STAG3: variants seen among roughly 807,000 people sequenced by gnomAD.
STAG3 encodes STAG3 cohesin complex component, also known as cohesin subunit SA-3.
A neutral mutation model predicts 160.7 loss-of-function variants in STAG3; 101 were observed. The observed-to-expected ratio is 0.63, with a 90% CI of 0.54 to 0.74. The LOEUF is 0.74. Ranked by LOEUF, STAG3 falls within the 30% of genes least tolerant of loss-of-function variation. The pLI, the probability that STAG3 is intolerant of heterozygous loss-of-function variation, is 0.00. For missense variants in STAG3, 1,188 were observed against 1,517.4 expected (o/e 0.78, Z 3.61); for synonymous variants, 519 against 585.0 (o/e 0.89, Z 1.63).
intron 2 of STAG3, chr7:100,180,884 T>G: frequency 5.6e-6 from 2 of 356,670 alleles, no homozygotes; most frequent in South Asian, 3.8e-5. Flanking sequence ...CATCCTGTTT[T>G]TTTTTTTTTT....
chr7:100,178,694 G>A (rs1799435016), intron 1 of STAG3, among the ~76,000 whole-genome samples: 1 of 151,590 alleles, frequency 6.6e-6, no homozygotes, highest in South Asian at 2.1e-4. Context: ...CCAAAGTACT[G>A]GGATTATAGG....
At chr7:100,181,389 CTTGAA>C (rs1799634835) in intron 2 of STAG3, 1 of 152,098 alleles carries the variant, frequency 6.6e-6, no homozygotes, top group Non-Finnish European at 1.5e-5. Context: ...AAGTTATAAA[CTTGAA>C]TTGATAAGAC....
At position 100,201,989 on chromosome 7, in the gene STAG3, G is replaced by T. The variant is rs375774778; in HGVS notation, c.2342G>T (p.Cys781Phe). Residue 781 changes from cysteine (C) to phenylalanine (F), a missense_variant, in exon 23 of 34, where the codon TGT (cysteine) becomes TTT (phenylalanine). Coordinates refer to ENST00000615138, the MANE Select transcript of STAG3 (RefSeq NM_001282717.2). ...TTGAGGGACAGAATGGTGGCCTTCTGTGAACTCTGCCAGAGTTGCCTCTCA... is the reference window on the plus strand; with the variant it reads ...TTGAGGGACAGAATGGTGGCCTTCTTTGAACTCTGCCAGAGTTGCCTCTCA... The part of the protein sequence containing the change: ...SSLRDRMVAF[C>F]ELCQSCLSDV... 3 of 1,614,024 alleles carry T rather than the reference G, an allele frequency of 1.9e-6. No homozygotes were observed. The African/African-American group carries it at 4.0e-5, about 22-fold the overall frequency.
intron 33 of STAG3, 38 bp from the exon 34 acceptor site, chr7:100,213,969 C>G: frequency 6.2e-7 from 1 of 1,614,148 alleles, no homozygotes; most frequent in Non-Finnish European, 8.5e-7. Flanking sequence ...TGGCCCGTTG[C>G]TGTGTCCTGT....
intron 1 of STAG3, among the ~76,000 whole-genome samples, chr7:100,179,919 G>T (rs1799532680): frequency 6.6e-6 from 1 of 152,166 alleles, no homozygotes; most frequent in Non-Finnish European, 1.5e-5. Flanking sequence ...ATTTTTAGTA[G>T]AAATGGGGTT....
chr7:100,212,112 T>C (rs900667732), intron 32 of STAG3: 5 of 423,620 alleles, frequency 1.2e-5, no homozygotes, highest in Non-Finnish European at 2.1e-5. Flanking sequence ...GCACTCTCGC[T>C]CCCAATCCCT....
Position 100,186,226 on chromosome 7 carries a change from C to T in STAG3, c.363C>T (p.Ser121=). ...CTTTGGTAGATGAGTGGCTGGATAG[C>T]TACAAGCAAGACCAGGATGCAGGAT... The part of the protein sequence containing the change: ...MQSLVDEWLD[S]YKQDQDAGFL... Residue 121 remains serine (S), a synonymous_variant, in exon 5 of 34, where the codon AGC becomes AGT. Coordinates refer to ENST00000615138, the MANE Select transcript of STAG3 (RefSeq NM_001282717.2). 6.2e-7 allele frequency: 1 copy of T among 1,614,076 alleles called. No individual in the cohort carries two copies. The highest frequency in any genetic ancestry group is 2.2e-5 in the East Asian group (1 of 44,874).
rs112330770 is a variant in STAG3 at position 100,195,379 on chromosome 7, A to T, written c.938A>T (p.Tyr313Phe). The change falls in exon 9 of 34, where the codon TAC becomes TTC. Residue 313 changes from tyrosine to phenylalanine, a missense_variant. Transcript: ENST00000615138. ...ALFRGVFVHRYRDVLPEIRAI... is the reference protein window; with the variant it reads ...ALFRGVFVHRFRDVLPEIRAI... ...TTCAGGGGTGTCTTTGTTCATCGGT[A>T]CAGGTGAGCTAATGGGCCTCTCTCA... 12 of 1,613,894 alleles carry T rather than the reference A, an allele frequency of 7.4e-6. No individual in the cohort carries two copies. The highest frequency in any genetic ancestry group is 1.0e-5 in the Non-Finnish European group (12 of 1,179,870).
chr7:100,189,701 A>C, intron 8 of STAG3, 105 bp downstream of exon 8: 4 of 1,337,854 alleles, frequency 3.0e-6, no homozygotes, highest in Non-Finnish European at 4.1e-6. Context: ...GATCATGAAT[A>C]ATGGAGTCTG....
chr7:100,182,330 G>GCCT, intron 3 of STAG3, 138 bp downstream of exon 3: 1 of 615,068 alleles, frequency 1.6e-6, no homozygotes, highest in South Asian at 2.0e-5. Context: ...CTGCACTCTA[G>GCCT]CCTGGGCGAC....
chr7:100,210,924 C>T (rs772997358), intron 29 of STAG3, 87 bp from the exon 30 acceptor site: 5 of 1,407,972 alleles, frequency 3.6e-6, no homozygotes, highest in Non-Finnish European at 4.8e-6. Context: ...ATTGACTTTC[C>T]CTTACTAAAT....
chr7:100,182,148 A>G lies in STAG3; in HGVS notation c.175A>G (p.Asn59Asp), dbSNP rs746500893. The G allele has an allele frequency of 3.1e-6, 5 of 1,613,322 alleles. No homozygotes were observed. The highest frequency in any genetic ancestry group is 1.3e-5 in the African/African-American group (1 of 74,800). Residue 59 changes from asparagine to aspartate, a missense_variant, in exon 3 of 34, where the codon AAT (asparagine) becomes GAT (aspartate). Transcript: ENST00000615138. The stretch of plus-strand genomic sequence containing the variant: ...TGACTTTGAAGACAGCTTGAATCGC[A>G]ATGTGAAGAAGAGAGCAGCAAAACG... ...DTDFEDSLNR[N>D]VKKRAAKRPP...
At chr7:100,205,495 T>C in intron 29 of STAG3, 111 bp downstream of exon 29, 3 of 1,177,718 alleles carry the variant, frequency 2.5e-6, no homozygotes, top group Non-Finnish European at 3.5e-6. Flanking sequence ...AGGGTATTAA[T>C]TTCTTTCAAG....
At chr7:100,193,467 A>T (rs1377180953) in intron 8 of STAG3, among the ~76,000 whole-genome samples, 1 of 152,198 alleles carries the variant, frequency 6.6e-6, no homozygotes, top group African/African-American at 2.4e-5. Context: ...TTTAGTCCAC[A>T]TTGAAAATTC....
rs756390673 is a variant in STAG3, at chr7:100,198,566, G to A, written c.1336G>A (p.Glu446Lys). ...TCGAGGCCTGGCCTCTGCCGCAGGC[G>A]AATTTCTGTACTGGAAGTGAGTGGG... The part of the protein sequence containing the change: ...SHRGLASAAG[E>K]FLYWKLFYPE... Residue 446 changes from glutamate (E) to lysine (K), a missense_variant, in exon 13 of 34, where the codon GAA becomes AAA. Transcript: ENST00000615138. 12 of 1,613,870 alleles carry A rather than the reference G, an allele frequency of 7.4e-6. No individual in the cohort carries two copies. The highest frequency in any genetic ancestry group is 1.7e-5 in the Admixed American group (1 of 60,024).
intron 9 of STAG3, 41 bp downstream of exon 9, chr7:100,195,423 G>T (rs1267085421): frequency 1.9e-6 from 3 of 1,582,164 alleles, no homozygotes. Context: ...GCTGGCCTTT[G>T]GTTATGGAAT....
At chr7:100,178,488 A>G (rs1460594449) in intron 1 of STAG3, among the ~76,000 whole-genome samples, 1 of 150,470 alleles carries the variant, frequency 6.6e-6, no homozygotes, top group African/African-American at 2.4e-5. Context: ...AAAAACCTGT[A>G]AGTTCCCTTG....
intron 4 of STAG3, among the ~76,000 whole-genome samples, chr7:100,183,257 G>A (rs1467080933): frequency 3.3e-5 from 5 of 152,064 alleles, no homozygotes; most frequent in Admixed American, 3.3e-4. Flanking sequence ...CAGGTGATCC[G>A]CCCACCTTGG....
chr7:100,214,904 G>T (rs1378982568), downstream of STAG3: 3 of 152,006 alleles, frequency 2.0e-5, no homozygotes, highest in Non-Finnish European at 4.4e-5. Context: ...ACCAAATTCT[G>T]TCAAGACTTG....
Sources: gnomAD v4.1 joint callset for allele counts (sites outside exome capture counted in the v4.1 genomes callset) on GRCh38, gnomAD v4.1.1 for gene constraint, MANE v1.5 for transcripts, NCBI Gene and HGNC (gene_info 2026-07-23, HGNC 2026-07-21) for gene names.